The following TMPRSS4 variants were observed in gnomAD, a reference collection of about 807,000 sequenced individuals.
The protein encoded by TMPRSS4 is transmembrane serine protease 4.
In TMPRSS4, 45 loss-of-function variants were observed where a neutral mutation model predicts 56.4. The ratio of observed to expected loss-of-function variants is 0.80; its 90% CI spans 0.63 to 1.02. TMPRSS4 has a LOEUF of 1.02. TMPRSS4 is among the 50% of genes least tolerant of loss of function. TMPRSS4 has a pLI of 0.00. For synonymous variants in TMPRSS4, 205 were observed against 211.0 expected, an observed-to-expected ratio of 0.97 and a Z score of 0.25; for missense variants, 546 against 556.7, an observed-to-expected ratio of 0.98 and a Z score of 0.19.
chr11:118,110,503 G>A (rs2135437721), intron 7 of TMPRSS4, among the ~76,000 whole-genome samples: 1 of 152,204 alleles, frequency 6.6e-6, no homozygotes, highest in East Asian at 1.9e-4. Flanking sequence ...CACCAGCCCA[G>A]CTGGGACTAT....
chr11:118,079,653 C>A (rs963767786), intron 1 of TMPRSS4, among the ~76,000 whole-genome samples: 1 of 152,198 alleles, frequency 6.6e-6, no homozygotes, highest in Non-Finnish European at 1.5e-5. Flanking sequence ...CTGACGCTTC[C>A]GGCTGCTCTG....
Position 118,111,754 on chromosome 11 carries a change from C to A in TMPRSS4, c.597C>A (p.Ser199Arg), listed in dbSNP as rs1328729562. The A allele has an allele frequency of 6.3e-7, 1 of 1,583,900 alleles. No individual in the cohort carries two copies. The highest frequency in any genetic ancestry group is 8.6e-7 in the Non-Finnish European group (1 of 1,167,684). Residue 199 changes from serine to arginine, a missense_variant, in exon 8 of 13, where the codon AGC (serine) becomes AGA (arginine). Ser to Arg is a moderately radical substitution (Grantham distance 110, BLOSUM62 -1). Transcript: ENST00000437212. ...GCCTGTGTCCAGCCTGTGGGAAGAG[C>A]CTGAAGACCCCCCGTGTGGTGGGTG... The part of the protein sequence containing the change: ...VSLHCLACGK[S>R]LKTPRVVGVE...
At chr11:118,099,215 A>C in intron 3 of TMPRSS4, 117 bp downstream of exon 3, 1 of 616,236 alleles carries the variant, frequency 1.6e-6, no homozygotes, top group Non-Finnish European at 2.5e-6. Context: ...TCACCCCCTC[A>C]GTAAGAGGCA....
chr11:118,105,392 T>C (rs2135416158), intron 5 of TMPRSS4, among the ~76,000 whole-genome samples: 1 of 152,176 alleles, frequency 6.6e-6, no homozygotes, highest in Admixed American at 6.5e-5. Flanking sequence ...TCACTTGATT[T>C]TGGCAGAAAA....
chr11:118,094,930 C>T (rs1406403153), intron 2 of TMPRSS4, 75 bp downstream of exon 2: 23 of 1,522,652 alleles, frequency 1.5e-5, no homozygotes, highest in Admixed American at 3.8e-5. Context: ...CTAAGCCACT[C>T]GCGCCTGGCC....
intron 6 of TMPRSS4, 181 bp from the exon 7 acceptor site, chr11:118,108,675 A>G: frequency 3.2e-6 from 2 of 621,026 alleles, no homozygotes; most frequent in Non-Finnish European, 5.7e-6. Flanking sequence ...AATCAAACGG[A>G]AGTGTCAATG....
intron 1 of TMPRSS4, among the ~76,000 whole-genome samples, chr11:118,084,207 T>C (rs1945369659): frequency 6.6e-6 from 1 of 152,168 alleles, no homozygotes; most frequent in Non-Finnish European, 1.5e-5. Context: ...GTTCAATAAC[T>C]TGCTAAAGCC....
chr11:118,109,935 G>A (rs528169213), intron 7 of TMPRSS4, among the ~76,000 whole-genome samples: 35 of 152,344 alleles, frequency 2.3e-4, no homozygotes, highest in Non-Finnish European at 4.6e-4. Context: ...GCACTGAGTA[G>A]CCCTGAAGGC....
At chr11:118,083,315 T>C (rs1945299092) in intron 1 of TMPRSS4, among the ~76,000 whole-genome samples, 1 of 152,228 alleles carries the variant, frequency 6.6e-6, no homozygotes, top group African/African-American at 2.4e-5. Flanking sequence ...CTTCCACTGG[T>C]CCTTGCTTCT....
downstream of TMPRSS4, among the ~76,000 whole-genome samples, chr11:118,124,749 T>C (rs1938201880): frequency 6.6e-6 from 1 of 152,154 alleles, no homozygotes; most frequent in Non-Finnish European, 1.5e-5. Flanking sequence ...ACATATACTA[T>C]CCATACTTAG....
intron 7 of TMPRSS4, among the ~76,000 whole-genome samples, chr11:118,110,412 G>A (rs976697330): frequency 6.6e-6 from 1 of 151,520 alleles, no homozygotes; most frequent in Non-Finnish European, 1.5e-5. Context: ...TGCGATCTCG[G>A]CTCACTGCAA....
chr11:118,106,517 C>T (rs777385530), intron 5 of TMPRSS4: 19 of 149,750 alleles, frequency 1.3e-4, no homozygotes, highest in Non-Finnish European at 2.2e-4. Flanking sequence ...CAGAGTCTCA[C>T]TCTGTCACCC....
In TMPRSS4 at chr11:118,118,106, G is replaced by T; in HGVS notation, c.*193G>T. ...CGCAGCCCAGAGGCGCCCAGAGGAA[G>T]TCAGCAGCCCTAGCTCGGCCACACT... On this transcript the variant is annotated 3_prime_UTR_variant, in exon 13 of 13. Coordinates refer to ENST00000437212, the MANE Select transcript of TMPRSS4 (RefSeq NM_019894.4). The T allele has an allele frequency of 1.4e-6, 2 of 1,439,004 alleles. No individual in the cohort carries two copies. The highest frequency in any genetic ancestry group is 1.8e-6 in the Non-Finnish European group (2 of 1,102,278). 89.1% of individuals were successfully genotyped at this position (1,439,004 alleles called of 1,614,324 possible).
At position 118,118,923 on chromosome 11, in the gene TMPRSS4, T is replaced by C. The variant is rs948944862; in HGVS notation, c.*1010T>C. ...GGTGTGAGGCAGTCCCCAAGCTGAG[T>C]TGTGAGGATGTAAGCATGAATAAGT... On this transcript the variant is annotated 3_prime_UTR_variant, in exon 13 of 13. Transcript: ENST00000437212. The C allele has an allele frequency of 7.7e-5, 76 of 985,090 alleles. No individual in the cohort carries two copies. The highest frequency in any genetic ancestry group is 9.0e-5 in the Non-Finnish European group (75 of 829,920). The allele number at this position is 985,090 out of a possible 1,614,324, so 61.0% of individuals were successfully genotyped here.
chr11:118,109,734 G>A (rs563145986), intron 7 of TMPRSS4, among the ~76,000 whole-genome samples: 35 of 152,308 alleles, frequency 2.3e-4, no homozygotes, highest in African/African-American at 8.2e-4. Context: ...AAATTAGAAC[G>A]CCTAAGGGAA....
chr11:118,109,749 G>T (rs1947180155), intron 7 of TMPRSS4, among the ~76,000 whole-genome samples: 1 of 152,216 alleles, frequency 6.6e-6, no homozygotes, highest in Non-Finnish European at 1.5e-5. Context: ...AGGGAAGAAG[G>T]TCACAACGCT....
intron 2 of TMPRSS4, 130 bp from the exon 3 acceptor site, chr11:118,098,855 C>A (rs1040811687): frequency 3.1e-6 from 2 of 639,944 alleles, no homozygotes; most frequent in Admixed American, 5.4e-5. Flanking sequence ...AATAACCCCC[C>A]AGCATTAACC....
chr11:118,123,998 G>A (rs896107417), downstream of TMPRSS4, among the ~76,000 whole-genome samples: 2 of 152,176 alleles, frequency 1.3e-5, no homozygotes, highest in African/African-American at 4.8e-5. Context: ...CATTATGTGT[G>A]ACAATGATAT....
At chr11:118,092,641 A>G (rs1946045795) in intron 1 of TMPRSS4, among the ~76,000 whole-genome samples, 2 of 152,238 alleles carry the variant, frequency 1.3e-5, no homozygotes, top group African/African-American at 4.8e-5. Context: ...TCTTGGGGCT[A>G]ACGTTAGTCT....
Sources: gnomAD v4.1 joint callset for allele counts (sites outside exome capture counted in the v4.1 genomes callset) on GRCh38, gnomAD v4.1.1 for gene constraint, MANE v1.5 for transcripts, NCBI Gene and HGNC (gene_info 2026-07-23, HGNC 2026-07-21) for gene names.